Variants in LINGO2 observed in about 807,000 individuals in gnomAD.
LINGO2 encodes the protein leucine-rich repeat and immunoglobulin-like domain-containing nogo receptor-interacting protein 2.
A neutral mutation model predicts 30.6 loss-of-function variants in LINGO2; 14 were observed. The observed-to-expected ratio is 0.46, with a 90% CI of 0.30 to 0.72. The LOEUF is 0.72. Among genes scored for constraint, LINGO2 ranks in the 30% least tolerant of loss-of-function variants. The pLI, the probability that LINGO2 is intolerant of heterozygous loss-of-function variation, is 0.07. For synonymous variants in LINGO2, 317 were observed against 288.5 expected (o/e 1.10, Z -1.00); for missense variants, 729 against 751.7 (o/e 0.97, Z 0.35).
In LINGO2 at chr9:28,557,019, C is replaced by T. The variant is rs1185628775; in HGVS notation, c.-364-80994G>A. On this transcript the variant is annotated intron_variant, in intron 1 of 5. Transcript: ENST00000379992. ...ATTCAAGATGGATTAAAGACTTAAACGTTAGACCTAAAACCATAAAAACCC... is the reference window on the plus strand; with the variant it reads ...ATTCAAGATGGATTAAAGACTTAAATGTTAGACCTAAAACCATAAAAACCC... Among the ~76,000 whole-genome samples the T allele has an allele frequency of 9.9e-5, 15 of 151,266 alleles. No homozygotes were observed. The South Asian group carries it at 1.0e-3, about 10-fold the overall frequency.
chr9:28,778,448 C>T, the LINGO2 span, among the ~76,000 whole-genome samples: 1 of 152,066 alleles, frequency 6.6e-6, no homozygotes, highest in Admixed American at 6.6e-5. Context: ...ACTGAAGACA[C>T]CACCTTACTA....
At chr9:28,324,267 A>G (rs912911593) in intron 3 of LINGO2, among the ~76,000 whole-genome samples, 1 of 151,990 alleles carries the variant, frequency 6.6e-6, no homozygotes, top group Non-Finnish European at 1.5e-5. Context: ...CCCTTCCCCA[A>G]ATTTTATAAG....
rs542549405 is a variant in LINGO2, at chr9:28,346,035, G to A, written c.-246+26801C>T. Among the ~76,000 whole-genome samples, 34 of 152,238 alleles carry A rather than the reference G, an allele frequency of 2.2e-4. No homozygotes were observed. In the South Asian group the frequency reaches 7.0e-3, roughly 32 times the overall value. On this transcript the variant is annotated intron_variant, in intron 3 of 5. Transcript: ENST00000379992. ...ACTAAAGCATCATCCACAGATTTCT[G>A]ATTTATCAGAAACAAAGACCATCAT...
chr9:27,949,361 G>A lies in LINGO2; in HGVS notation c.1311C>T (p.Asp437=), dbSNP rs75120285. ...TCACCCAGGAAATCACAGGCTGCGGGTCTCCATCTGCACTGCATTCTAGCT... is the reference window on the plus strand; with the variant it reads ...TCACCCAGGAAATCACAGGCTGCGGATCTCCATCTGCACTGCATTCTAGCT... The change falls in exon 6 of 6, where the codon GAC becomes GAT. Residue 437 remains aspartate, a synonymous_variant. Coordinates refer to ENST00000379992, the Ensembl canonical transcript of LINGO2. 984 of 1,614,080 alleles carry A rather than the reference G, an allele frequency of 6.1e-4. 11 individuals carry two copies. In the African/African-American group the frequency reaches 0.011, roughly 18 times the overall value.
chr9:28,506,475 C>G (rs866601542), intron 1 of LINGO2, among the ~76,000 whole-genome samples: 6 of 15,894 alleles, frequency 3.8e-4, no homozygotes, highest in East Asian at 1.1e-3. Context: ...CACACACACA[C>G]ACACATACAC....
chr9:28,800,919 T>C, the LINGO2 span, among the ~76,000 whole-genome samples: 5 of 152,044 alleles, frequency 3.3e-5, no homozygotes, highest in African/African-American at 9.7e-5. Flanking sequence ...CTTGATGAGA[T>C]GGAAAGCCAC....
At chr9:28,910,079 A>T in the LINGO2 span, among the ~76,000 whole-genome samples, 1 of 152,230 alleles carries the variant, frequency 6.6e-6, no homozygotes, top group Admixed American at 6.5e-5. Context: ...AATGCTAATT[A>T]AATTTTAAAA....
the LINGO2 span, among the ~76,000 whole-genome samples, chr9:28,734,754 C>T: frequency 6.6e-6 from 1 of 152,088 alleles, no homozygotes; most frequent in Admixed American, 6.6e-5. Flanking sequence ...GATAAATTTA[C>T]CATGAACCCA....
intron 1 of LINGO2, among the ~76,000 whole-genome samples, chr9:28,661,312 A>C (rs1828575631): frequency 6.6e-6 from 1 of 152,144 alleles, no homozygotes; most frequent in Non-Finnish European, 1.5e-5. Flanking sequence ...TCTGTCAGAA[A>C]GTTGAAAATA....
intron 4 of LINGO2, among the ~76,000 whole-genome samples, chr9:28,025,746 A>T (rs144121801): frequency 3.9e-5 from 6 of 152,340 alleles, no homozygotes; most frequent in Non-Finnish European, 8.8e-5. Flanking sequence ...TTGAAGAGAG[A>T]CATCAGGGTA....
At chr9:29,059,505 T>C in the LINGO2 span, among the ~76,000 whole-genome samples, 6 of 151,482 alleles carry the variant, frequency 4.0e-5, no homozygotes, top group South Asian at 8.4e-4. Flanking sequence ...GAAACTGAGA[T>C]GGTATGATAT....
At chr9:28,756,357 T>A in the LINGO2 span, among the ~76,000 whole-genome samples, 11 of 151,970 alleles carry the variant, frequency 7.2e-5, no homozygotes. Flanking sequence ...ATGTGTCTTG[T>A]AAGTAATTAA....
chr9:28,268,985 T>A (rs1822848989), intron 4 of LINGO2, among the ~76,000 whole-genome samples: 1 of 152,054 alleles, frequency 6.6e-6, no homozygotes, highest in African/African-American at 2.4e-5. Flanking sequence ...AGAATTCACA[T>A]TTCTCAGAAT....
chr9:29,006,733 A>G, the LINGO2 span, among the ~76,000 whole-genome samples: 2 of 152,080 alleles, frequency 1.3e-5, no homozygotes, highest in Admixed American at 1.3e-4. Flanking sequence ...TTCAACATTA[A>G]GCATAGTACA....
intron 4 of LINGO2, among the ~76,000 whole-genome samples, chr9:28,062,428 T>C (rs1825173003): frequency 6.9e-6 from 1 of 144,552 alleles, no homozygotes; most frequent in African/African-American, 2.7e-5. Flanking sequence ...TGTGTATATA[T>C]ATACTATATA....
intron 4 of LINGO2, among the ~76,000 whole-genome samples, chr9:28,066,988 C>T (rs972036673): frequency 9.9e-5 from 15 of 152,040 alleles, no homozygotes; most frequent in Non-Finnish European, 1.5e-5. Context: ...CACCATCCTT[C>T]ATCCAGAGAT....
chr9:27,978,298 G>A (rs868438403), intron 5 of LINGO2, among the ~76,000 whole-genome samples: 1 of 152,036 alleles, frequency 6.6e-6, no homozygotes, highest in Non-Finnish European at 1.5e-5. Flanking sequence ...GGCTGAAAAT[G>A]GATCAAACAG....
chr9:27,941,104 G>A, the LINGO2 span: 1 of 152,070 alleles, frequency 6.6e-6, no homozygotes, highest in Non-Finnish European at 1.5e-5. Flanking sequence ...ACATTTTCAA[G>A]AAATTCTCTC....
At chr9:29,134,935 T>C in the LINGO2 span, among the ~76,000 whole-genome samples, 3 of 152,078 alleles carry the variant, frequency 2.0e-5, no homozygotes, top group Non-Finnish European at 2.9e-5. Context: ...AATCATGATA[T>C]AGAGTTTAAC....
Sources: allele counts gnomAD v4.1 joint callset (sites outside exome capture counted in the v4.1 genomes callset), GRCh38; gene constraint gnomAD v4.1.1; transcripts MANE v1.5; gene names NCBI Gene and HGNC (gene_info 2026-07-23, HGNC 2026-07-21).